Variants in MTUS2 observed in about 807,000 individuals in gnomAD.
The protein encoded by MTUS2 is microtubule associated scaffold protein 2.
In MTUS2, 40 loss-of-function variants were observed where a neutral mutation model predicts 114.1. The observed-to-expected ratio is 0.35, with a 90% confidence interval of 0.27 to 0.46. MTUS2 has a LOEUF of 0.46. Ranked by LOEUF, MTUS2 falls within the 20% of genes least tolerant of loss-of-function variation. The pLI, the probability that MTUS2 is intolerant of heterozygous loss-of-function variation, is 1.00. For synonymous variants in MTUS2, 688 were observed against 672.0 expected (o/e 1.02, Z -0.37); for missense variants, 1,679 against 1,705.4 (o/e 0.98, Z 0.27).
intron 2 of MTUS2, among the ~76,000 whole-genome samples, chr13:28,948,767 T>A (rs1244105101): frequency 6.6e-6 from 1 of 152,024 alleles, no homozygotes; most frequent in East Asian, 1.9e-4. Flanking sequence ...GGAACAGGGG[T>A]GGGGAAAGGA....
At chr13:28,870,768 G>C (rs9551554) in intron 2 of MTUS2, among the ~76,000 whole-genome samples, 22,498 of 152,080 alleles carry the variant, frequency 0.15, 1,913 homozygotes, top group African/African-American at 0.21. Flanking sequence ...TGGACTTGTT[G>C]ATTTTCTGAG....
chr13:29,366,435 A>G (rs1405512273), intron 8 of MTUS2, among the ~76,000 whole-genome samples: 2 of 152,154 alleles, frequency 1.3e-5, no homozygotes, highest in African/African-American at 2.4e-5. Flanking sequence ...ACAATTCAAG[A>G]TGAGATTTGG....
intron 2 of MTUS2, 21 bp downstream of exon 2, chr13:28,839,871 A>G (rs1384070262): frequency 1.3e-5 from 2 of 151,760 alleles, no homozygotes; most frequent in Admixed American, 6.6e-5. Context: ...GTGGATTTCT[A>G]CCTGATTTAT....
intron 5 of MTUS2, among the ~76,000 whole-genome samples, chr13:29,237,419 C>G (rs115005189): frequency 6.6e-6 from 1 of 152,292 alleles, no homozygotes; most frequent in African/African-American, 2.4e-5. Context: ...TTTTCTTCAG[C>G]TGATTCCACC....
chr13:29,222,438 T>C (rs138892333), intron 5 of MTUS2, among the ~76,000 whole-genome samples: 7 of 152,382 alleles, frequency 4.6e-5, no homozygotes, highest in South Asian at 2.1e-4. Flanking sequence ...TGTTAGGATT[T>C]ATATTAAAAT....
chr13:28,882,089 T>C (rs941950212), intron 2 of MTUS2, among the ~76,000 whole-genome samples: 2 of 152,160 alleles, frequency 1.3e-5, no homozygotes, highest in African/African-American at 4.8e-5. Context: ...AGACGGAGTC[T>C]TGCTCTGTCT....
At chr13:29,389,416 TG>T (rs1872980754) in intron 8 of MTUS2, among the ~76,000 whole-genome samples, 1 of 74,972 alleles carries the variant, frequency 1.3e-5, no homozygotes, top group African/African-American at 5.9e-5. Flanking sequence ...TACACGTGTG[TG>T]TGTATGTATA....
chr13:29,373,106 G>C (rs1871322289), intron 8 of MTUS2, among the ~76,000 whole-genome samples: 1 of 152,204 alleles, frequency 6.6e-6, no homozygotes, highest in African/African-American at 2.4e-5. Flanking sequence ...AAGAGCTCCA[G>C]GAGAAACTTT....
intron 5 of MTUS2, among the ~76,000 whole-genome samples, chr13:29,206,432 T>A (rs1895187827): frequency 6.6e-6 from 1 of 152,208 alleles, no homozygotes; most frequent in Non-Finnish European, 1.5e-5. Flanking sequence ...ACTATTTATC[T>A]CTGTTTTTCT....
At chr13:29,096,991 G>T (rs1890204995) in intron 4 of MTUS2, among the ~76,000 whole-genome samples, 1 of 152,100 alleles carries the variant, frequency 6.6e-6, no homozygotes, top group Middle Eastern at 3.2e-3. Context: ...CTGACCTTTT[G>T]ACCACTCTCT....
chr13:29,127,173 C>A (rs1891555546), intron 5 of MTUS2, among the ~76,000 whole-genome samples: 1 of 152,164 alleles, frequency 6.6e-6, no homozygotes, highest in Non-Finnish European at 1.5e-5. Context: ...CTCCAGAGAT[C>A]CTTACCTGAT....
intron 2 of MTUS2, among the ~76,000 whole-genome samples, chr13:28,923,071 T>C (rs1881137289): frequency 6.6e-6 from 1 of 152,216 alleles, no homozygotes; most frequent in Admixed American, 6.5e-5. Context: ...GTAAATTTTA[T>C]TGATTTGTTC....
intron 2 of MTUS2, among the ~76,000 whole-genome samples, chr13:28,996,264 G>A (rs1401948688): frequency 6.6e-6 from 1 of 152,158 alleles, no homozygotes; most frequent in Non-Finnish European, 1.5e-5. Context: ...GATCATGGTG[G>A]ATAAGCTTTT....
intron 2 of MTUS2, among the ~76,000 whole-genome samples, chr13:28,963,584 A>G (rs1248261715): frequency 6.6e-6 from 1 of 152,086 alleles, no homozygotes; most frequent in East Asian, 1.9e-4. Flanking sequence ...GTGTGTGTGA[A>G]TATATCCTTT....
At chr13:29,450,025 A>G (rs549734932) in intron 9 of MTUS2, among the ~76,000 whole-genome samples, 2 of 152,326 alleles carry the variant, frequency 1.3e-5, no homozygotes, top group African/African-American at 4.8e-5. Flanking sequence ...GTGGAGGACC[A>G]TGATGCCCCC....
At chr13:29,195,544 A>G (rs1221040310) in intron 5 of MTUS2, among the ~76,000 whole-genome samples, 7 of 148,604 alleles carry the variant, frequency 4.7e-5, no homozygotes, top group South Asian at 2.1e-4. Flanking sequence ...ATTCTGAAAA[A>G]AAAAAAAAAA....
chr13:28,931,614 A>G (rs947756254), intron 2 of MTUS2, among the ~76,000 whole-genome samples: 19 of 152,210 alleles, frequency 1.2e-4, no homozygotes, highest in African/African-American at 4.3e-4. Context: ...CTCGGTCTCC[A>G]GAAGTTCTTC....
chr13:29,427,669 CTACT>C (rs968727142), intron 8 of MTUS2, among the ~76,000 whole-genome samples: 2 of 152,194 alleles, frequency 1.3e-5, no homozygotes, highest in Non-Finnish European at 2.9e-5. Context: ...TGAGCCTATA[CTACT>C]TAATTAAAAT....
intron 7 of MTUS2, among the ~76,000 whole-genome samples, chr13:29,338,355 G>C (rs1016302996): frequency 2.0e-5 from 3 of 152,108 alleles, no homozygotes; most frequent in African/African-American, 7.2e-5. Flanking sequence ...GGGAGGCCCA[G>C]GCAGATGGAT....
Sources: allele counts gnomAD v4.1 joint callset (sites outside exome capture counted in the v4.1 genomes callset), GRCh38; gene constraint gnomAD v4.1.1; transcripts MANE v1.5; gene names NCBI Gene and HGNC (gene_info 2026-07-23, HGNC 2026-07-21).